The following DAB1 variants were observed in gnomAD, a reference collection of about 807,000 sequenced individuals.
DAB1 encodes disabled homolog 1.
DAB1 carries 15 observed loss-of-function variants against 64.6 expected under a neutral mutation model. The observed-to-expected ratio is 0.23, with a 90% CI of 0.16 to 0.36. DAB1 has a LOEUF of 0.36. Among genes scored for constraint, DAB1 ranks in the 10% least tolerant of loss-of-function variants. The probability of loss-of-function intolerance (pLI) is 1.00; values close to 1 mark genes in which losing one functional copy is unlikely to be tolerated. For synonymous variants in DAB1, 235 were observed against 251.9 expected (o/e 0.93, Z 0.64); for missense variants, 596 against 706.7 (o/e 0.84, Z 1.78).
intron 5 of DAB1, among the ~76,000 whole-genome samples, chr1:57,981,785 C>T (rs972556715): frequency 6.6e-6 from 1 of 152,206 alleles, no homozygotes; most frequent in East Asian, 1.9e-4. Context: ...GAACAGGCAG[C>T]ATTGTCTCCA....
intron 1 of DAB1, among the ~76,000 whole-genome samples, chr1:57,355,873 AACACACACACACACACACACACACAC>A (rs10529674): frequency 0.079 from 11,630 of 146,410 alleles, 519 homozygotes; most frequent in Middle Eastern, 0.12. Context: ...AACCTCAATA[AACACACACACACACACACACACACAC>A]ACACACACAC....
At chr1:57,177,438 G>A (rs1479544900) in intron 2 of DAB1, among the ~76,000 whole-genome samples, 1 of 151,970 alleles carries the variant, frequency 6.6e-6, no homozygotes, top group Non-Finnish European at 1.5e-5. Flanking sequence ...GGAGGGTAGA[G>A]GGAAAAAAAG....
chr1:58,112,348 A>T (rs568714301), intron 5 of DAB1, among the ~76,000 whole-genome samples: 13 of 152,356 alleles, frequency 8.5e-5, no homozygotes, highest in African/African-American at 2.6e-4. Flanking sequence ...AGAATCTATA[A>T]CAGTGCCAAG....
intron 5 of DAB1, among the ~76,000 whole-genome samples, chr1:58,117,245 T>G (rs938195309): frequency 6.6e-6 from 1 of 152,226 alleles, no homozygotes; most frequent in Non-Finnish European, 1.5e-5. Flanking sequence ...CCTGTACTAG[T>G]AAGTTACTTA....
intron 1 of DAB1, among the ~76,000 whole-genome samples, chr1:57,344,009 G>C (rs1354031887): frequency 6.6e-6 from 1 of 152,268 alleles, no homozygotes; most frequent in Non-Finnish European, 1.5e-5. Context: ...GCCAGCCACT[G>C]TGTAAGCACA....
chr1:57,912,452 A>G (rs1424628377), intron 5 of DAB1, among the ~76,000 whole-genome samples: 6 of 152,176 alleles, frequency 3.9e-5, no homozygotes, highest in African/African-American at 1.4e-4. Flanking sequence ...TCAAAATAAT[A>G]AGAGCTATCT....
intron 9 of DAB1, among the ~76,000 whole-genome samples, chr1:57,062,186 C>T (rs1239584604): frequency 1.3e-5 from 2 of 152,190 alleles, no homozygotes; most frequent in Non-Finnish European, 2.9e-5. Flanking sequence ...GTCCCACCGG[C>T]ACATGGGGTC....
chr1:57,208,644 T>C (rs1665775599), intron 2 of DAB1, among the ~76,000 whole-genome samples: 1 of 152,234 alleles, frequency 6.6e-6, no homozygotes, highest in African/African-American at 2.4e-5. Flanking sequence ...AGTTATTTTT[T>C]AAAATAATGA....
chr1:58,511,715 A>G (rs1646080181), intron 2 of DAB1, among the ~76,000 whole-genome samples: 1 of 152,172 alleles, frequency 6.6e-6, no homozygotes, highest in African/African-American at 2.4e-5. Flanking sequence ...CTGAATATTC[A>G]CATGCAAAAG....
At chr1:57,605,743 C>A in intron 7 of DAB1, 1 of 331,312 alleles carries the variant, frequency 3.0e-6, no homozygotes, top group East Asian at 6.1e-5. Context: ...ACAGTTTAAT[C>A]CCTAAACTGA....
chr1:58,400,430 G>A (rs746196420), intron 3 of DAB1, among the ~76,000 whole-genome samples: 3 of 152,128 alleles, frequency 2.0e-5, no homozygotes, highest in Non-Finnish European at 4.4e-5. Context: ...GAGGGCAGCA[G>A]CCATCTAAGG....
chr1:57,883,134 G>C (rs1190556664), intron 1 of DAB1, among the ~76,000 whole-genome samples: 1 of 152,164 alleles, frequency 6.6e-6, no homozygotes, highest in Non-Finnish European at 1.5e-5. Context: ...ACTCTGCTCT[G>C]AGGTTTTCTT....
chr1:57,082,679 C>T (rs935685580), intron 4 of DAB1, among the ~76,000 whole-genome samples: 7 of 152,104 alleles, frequency 4.6e-5, no homozygotes, highest in Admixed American at 2.6e-4. Context: ...TGTTCTCCCT[C>T]CCCCTGATCC....
At chr1:57,523,596 T>C (rs1464256496) in intron 7 of DAB1, among the ~76,000 whole-genome samples, 1 of 152,130 alleles carries the variant, frequency 6.6e-6, no homozygotes, top group Non-Finnish European at 1.5e-5. Context: ...CATTATCACA[T>C]GCATGGATGA....
At chr1:58,051,530 T>C (rs978685351) in intron 5 of DAB1, among the ~76,000 whole-genome samples, 2 of 152,196 alleles carry the variant, frequency 1.3e-5, no homozygotes, top group African/African-American at 4.8e-5. Context: ...GTCTTTATAG[T>C]AGCATGATTT....
intron 4 of DAB1, among the ~76,000 whole-genome samples, chr1:58,165,150 C>T (rs1655757328): frequency 6.6e-6 from 1 of 152,170 alleles, no homozygotes; most frequent in African/African-American, 2.4e-5. Flanking sequence ...CATAGGACCA[C>T]ATTAATCGCC....
At chr1:57,507,575 G>T (rs1022231608) in intron 7 of DAB1, among the ~76,000 whole-genome samples, 1 of 152,076 alleles carries the variant, frequency 6.6e-6, no homozygotes, top group Admixed American at 6.5e-5. Context: ...ACTGTGAGTC[G>T]AATCTGATTG....
intron 9 of DAB1, among the ~76,000 whole-genome samples, chr1:57,037,198 C>T (rs548019118): frequency 6.6e-6 from 1 of 152,312 alleles, no homozygotes; most frequent in South Asian, 2.1e-4. Context: ...GGGGAATAAA[C>T]TCTCAGTAGG....
intron 3 of DAB1, among the ~76,000 whole-genome samples, chr1:58,431,022 CAT>C (rs1644865146): frequency 6.6e-6 from 1 of 152,176 alleles, no homozygotes. Flanking sequence ...GTCTATGACA[CAT>C]AGTAATTTGT....
Sources: gnomAD v4.1 joint callset for allele counts (sites outside exome capture counted in the v4.1 genomes callset) on GRCh38, gnomAD v4.1.1 for gene constraint, MANE v1.5 for transcripts, NCBI Gene and HGNC (gene_info 2026-07-23, HGNC 2026-07-21) for gene names.